The following LRRC63 variants were observed in gnomAD, a reference collection of about 807,000 sequenced individuals.
LRRC63 encodes the protein leucine-rich repeat-containing protein 63.
Under a neutral mutation model 49.5 loss-of-function variants are expected in LRRC63, and 40 were observed. The observed-to-expected ratio is 0.81, with a 90% CI of 0.63 to 1.05. LRRC63 has a LOEUF of 1.05. Ranked by LOEUF, LRRC63 falls within the 50% of genes least tolerant of loss-of-function variation. LRRC63 has a pLI of 0.00. For synonymous variants in LRRC63, 191 were observed against 221.1 expected (o/e 0.86, Z 1.21); for missense variants, 636 against 663.1 (o/e 0.96, Z 0.45).
intron 4 of LRRC63, among the ~76,000 whole-genome samples, chr13:46,230,167 GC>G (rs2046704353): frequency 6.6e-6 from 1 of 152,060 alleles, no homozygotes; most frequent in African/African-American, 2.4e-5. Context: ...TCCACCTCTG[GC>G]CCCTCAAATA....
intron 7 of LRRC63, among the ~76,000 whole-genome samples, chr13:46,252,324 A>T (rs991587536): frequency 6.6e-6 from 1 of 152,000 alleles, no homozygotes; most frequent in Admixed American, 6.6e-5. Flanking sequence ...ACTGAATTAA[A>T]TTGAGTGAAA....
At chr13:46,261,289 G>C (rs895827763) in intron 7 of LRRC63, among the ~76,000 whole-genome samples, 1 of 152,220 alleles carries the variant, frequency 6.6e-6, no homozygotes, top group Non-Finnish European at 1.5e-5. Context: ...CTCATTTGGA[G>C]ATAGCGTCTT....
At chr13:46,250,310 A>G (rs1165255643) in intron 6 of LRRC63, 45 bp from the exon 7 acceptor site, 2 of 1,386,498 alleles carry the variant, frequency 1.4e-6, no homozygotes, top group South Asian at 2.8e-5. Flanking sequence ...TGATTTGCAT[A>G]CTTTATTATT....
intron 7 of LRRC63, among the ~76,000 whole-genome samples, chr13:46,254,785 T>C (rs1257862146): frequency 6.6e-6 from 1 of 152,150 alleles, no homozygotes; most frequent in Non-Finnish European, 1.5e-5. Context: ...AACCAAGGAT[T>C]CATGGTGACA....
intron 5 of LRRC63, 52 bp downstream of exon 5, chr13:46,234,401 T>C: frequency 6.6e-7 from 1 of 1,506,376 alleles, no homozygotes; most frequent in Non-Finnish European, 8.9e-7. Flanking sequence ...CAATTATTTT[T>C]GCTTTAAATT....
At chr13:46,226,306 T>A (rs2138397044) in intron 2 of LRRC63, among the ~76,000 whole-genome samples, 3 of 152,244 alleles carry the variant, frequency 2.0e-5, no homozygotes, top group Middle Eastern at 6.8e-3. Flanking sequence ...TCAACTCATA[T>A]TATAGTTTTT....
At chr13:46,258,674 G>A (rs1392186165) in intron 7 of LRRC63, among the ~76,000 whole-genome samples, 8 of 150,996 alleles carry the variant, frequency 5.3e-5, no homozygotes, top group African/African-American at 1.5e-4. Flanking sequence ...TGGGCATGGT[G>A]GCGTGTGCCT....
chr13:46,250,636 A>G, intron 7 of LRRC63, 145 bp downstream of exon 7: 4 of 673,868 alleles, frequency 5.9e-6, no homozygotes, highest in Non-Finnish European at 9.8e-6. Context: ...GCTTCTTCTT[A>G]TGGTGTTAAA....
intron 3 of LRRC63, 28 bp downstream of exon 3, chr13:46,228,217 T>G: frequency 4.9e-5 from 73 of 1,475,296 alleles, no homozygotes; most frequent in Non-Finnish European, 6.3e-5. Flanking sequence ...ACGGTATAAT[T>G]ATAGAGTCAA....
chr13:46,219,787 T>G (rs2046353270), intron 2 of LRRC63, among the ~76,000 whole-genome samples: 1 of 152,228 alleles, frequency 6.6e-6, no homozygotes, highest in Admixed American at 6.5e-5. Flanking sequence ...GGGGTTTCTG[T>G]GTGGACATCT....
At chr13:46,213,070 A>G in exon 2 of LRRC63, 3 of 1,549,890 alleles carry the variant, frequency 1.9e-6, no homozygotes, top group Non-Finnish European at 2.6e-6. Flanking sequence ...GAAGACCCTT[A>G]CCTCCAAAAT....
At chr13:46,260,320 T>C (rs969381659) in intron 7 of LRRC63, among the ~76,000 whole-genome samples, 1 of 152,176 alleles carries the variant, frequency 6.6e-6, no homozygotes, top group Non-Finnish European at 1.5e-5. Flanking sequence ...TTTACAGAGA[T>C]GATAAGAAGT....
At chr13:46,227,540 T>C (rs924073538) in exon 3 of LRRC63, 46 of 1,538,906 alleles carry the variant, frequency 3.0e-5, no homozygotes, top group Non-Finnish European at 3.9e-5. Context: ...AGTCACTACA[T>C]GTAGCATTCA....
At chr13:46,253,259 G>A (rs938872536) in intron 7 of LRRC63, among the ~76,000 whole-genome samples, 2 of 151,888 alleles carry the variant, frequency 1.3e-5, no homozygotes, top group Non-Finnish European at 2.9e-5. Context: ...TAGTTAGAGT[G>A]AAACAATTCA....
intron 7 of LRRC63, among the ~76,000 whole-genome samples, chr13:46,253,832 A>G (rs998546612): frequency 1.3e-5 from 2 of 152,172 alleles, no homozygotes; most frequent in Non-Finnish European, 2.9e-5. Flanking sequence ...GAAGGAAAAT[A>G]ATTGGTTTTG....
At chr13:46,261,261 A>C (rs1334258152) in intron 7 of LRRC63, among the ~76,000 whole-genome samples, 1 of 152,240 alleles carries the variant, frequency 6.6e-6, no homozygotes, top group Non-Finnish European at 1.5e-5. Flanking sequence ...ATGTCCTTAT[A>C]GAACCTCAGA....
At chr13:46,238,572 G>A (rs954577504) in intron 5 of LRRC63, among the ~76,000 whole-genome samples, 2 of 152,174 alleles carry the variant, frequency 1.3e-5, no homozygotes, top group Non-Finnish European at 2.9e-5. Context: ...CTTACATGAC[G>A]ATAAGCAAGC....
At position 46,212,999 on chromosome 13, in the gene LRRC63, A is replaced by C. The variant is rs1469683669; in HGVS notation, c.-33-3A>C. On this transcript the variant is annotated splice_polypyrimidine_tract_variant and splice_region_variant and intron_variant, in intron 1 of 9. Transcript: ENST00000595396. ...AACCTTTTCAATTCTCATTTAAACCAAGGATTATGAAAAACAGCACTTATT... is the reference window on the plus strand; with the variant it reads ...AACCTTTTCAATTCTCATTTAAACCCAGGATTATGAAAAACAGCACTTATT... The C allele has an allele frequency of 2.2e-6, 3 of 1,367,496 alleles. No individual in the cohort carries two copies. In the African/African-American group the frequency reaches 4.4e-5, roughly 20 times the overall value. The allele number at this position is 1,367,496 out of a possible 1,614,324, so 84.7% of individuals were successfully genotyped here.
At chr13:46,248,762 C>T (rs1239255467) in intron 6 of LRRC63, among the ~76,000 whole-genome samples, 2 of 151,790 alleles carry the variant, frequency 1.3e-5, no homozygotes, top group East Asian at 1.9e-4. Flanking sequence ...AATTGAACAA[C>T]ACTATAAACC....
Sources: gnomAD v4.1 joint callset for allele counts (sites outside exome capture counted in the v4.1 genomes callset) on GRCh38, gnomAD v4.1.1 for gene constraint, MANE v1.5 for transcripts, NCBI Gene and HGNC (gene_info 2026-07-23, HGNC 2026-07-21) for gene names.